Variants in FBXW7 observed in about 807,000 individuals in gnomAD.
FBXW7 encodes the protein F-box/WD repeat-containing protein 7.
A neutral mutation model predicts 86.3 loss-of-function variants in FBXW7; 11 were observed. The observed-to-expected ratio is 0.13, with a 90% CI of 0.08 to 0.21. FBXW7 has a LOEUF of 0.21. FBXW7 is among the 10% of genes least tolerant of loss of function. The pLI is 1.00. For missense variants in FBXW7, 488 were observed against 847.4 expected (o/e 0.58, Z 5.27); for synonymous variants, 313 against 297.9 (o/e 1.05, Z -0.52).
chr4:152,339,439 A>G (rs912880507), intron 6 of FBXW7, among the ~76,000 whole-genome samples: 3 of 152,360 alleles, frequency 2.0e-5, no homozygotes, highest in South Asian at 2.1e-4. Context: ...CCTCTTTGAC[A>G]TAACTGATAG....
chr4:152,337,168 A>G (rs1730218218), intron 7 of FBXW7, among the ~76,000 whole-genome samples: 1 of 151,984 alleles, frequency 6.6e-6, no homozygotes, highest in Non-Finnish European at 1.5e-5. Flanking sequence ...TTACATAAAA[A>G]TATAAAAAGA....
chr4:152,330,183 C>CA (rs886552013), intron 9 of FBXW7, among the ~76,000 whole-genome samples: 7 of 151,398 alleles, frequency 4.6e-5, no homozygotes, highest in African/African-American at 7.3e-5. Flanking sequence ...ATTCTTAAAA[C>CA]AAAAAAAATC....
intron 2 of FBXW7, among the ~76,000 whole-genome samples, chr4:152,505,463 T>C (rs1269318734): frequency 6.6e-6 from 1 of 152,210 alleles, no homozygotes; most frequent in Non-Finnish European, 1.5e-5. Flanking sequence ...AGTAAAGCTA[T>C]ATAAAAATAT....
intron 4 of FBXW7, among the ~76,000 whole-genome samples, chr4:152,380,462 T>C (rs1387175521): frequency 1.3e-5 from 2 of 151,902 alleles, no homozygotes; most frequent in Non-Finnish European, 2.9e-5. Flanking sequence ...TTTTTAAATA[T>C]CTTCTAAAAA....
At chr4:152,431,043 G>A (rs549121873) in intron 2 of FBXW7, among the ~76,000 whole-genome samples, 2 of 152,282 alleles carry the variant, frequency 1.3e-5, no homozygotes, top group South Asian at 4.1e-4. Flanking sequence ...AATTTGAAAA[G>A]GAAAATGGAA....
intron 4 of FBXW7, among the ~76,000 whole-genome samples, chr4:152,356,891 A>C (rs1177219269): frequency 6.6e-6 from 1 of 152,186 alleles, no homozygotes; most frequent in Admixed American, 6.6e-5. Flanking sequence ...TTTGTTTAGC[A>C]CCTACTTTGT....
intron 2 of FBXW7, among the ~76,000 whole-genome samples, chr4:152,531,747 T>C (rs78501798): frequency 0.014 from 2,079 of 152,222 alleles, 26 homozygotes; most frequent in Middle Eastern, 0.037. Flanking sequence ...TAATGCACAG[T>C]GAACTTTAAA....
chr4:152,448,213 CAAGT>C (rs949406987), intron 2 of FBXW7, among the ~76,000 whole-genome samples: 5 of 152,196 alleles, frequency 3.3e-5, no homozygotes, highest in South Asian at 2.1e-4. Context: ...AGCAAGCAAG[CAAGT>C]GGTTGTCAGT....
rs12651630 is a variant in FBXW7 at position 152,525,259 on chromosome 4, T to G, written c.-120+9682A>C. Among the ~76,000 whole-genome samples the G allele has an allele frequency of 6.9e-3, 1,045 of 152,286 alleles. 47 individuals are homozygous for G. Among genetic ancestry groups the G allele is most frequent in the Admixed American group, 0.059 (896 of 15,288 alleles). ...TTACACCAAAATCTAAAGCAAACTT[T>G]CCTTAAAAGGAGAAGTCACAGCTAG... On this transcript the variant is annotated intron_variant, in intron 2 of 13. Coordinates refer to ENST00000281708, the MANE Select transcript of FBXW7 (RefSeq NM_001349798.2).
chr4:152,492,039 T>C (rs747468309), intron 2 of FBXW7, among the ~76,000 whole-genome samples: 23 of 152,204 alleles, frequency 1.5e-4, no homozygotes, highest in Non-Finnish European at 2.6e-4. Context: ...ACCCTCCCAG[T>C]TGAATATCAC....
At chr4:152,441,441 T>G (rs1740885414) in intron 2 of FBXW7, among the ~76,000 whole-genome samples, 1 of 152,208 alleles carries the variant, frequency 6.6e-6, no homozygotes. Flanking sequence ...TATATGACAC[T>G]GATTCTTTAA....
At chr4:152,520,432 T>C (rs1383147334) in intron 2 of FBXW7, among the ~76,000 whole-genome samples, 1 of 128,018 alleles carries the variant, frequency 7.8e-6, no homozygotes. Flanking sequence ...AGAGCGAGAC[T>C]CCGTCTCAAA....
rs1049775568 is a variant in FBXW7 at position 152,535,929 on chromosome 4, A to T, written c.-1015T>A. On this transcript the variant is annotated 5_prime_UTR_variant, in exon 1 of 14. Transcript: ENST00000281708. ...CGCGGCTCCCGCTGGCCCAGGTGAGAGCGAAGGTCTCGGCGGCGGCCAGTG... is the reference window on the plus strand; with the variant it reads ...CGCGGCTCCCGCTGGCCCAGGTGAGTGCGAAGGTCTCGGCGGCGGCCAGTG... 1.4e-4 allele frequency: 47 copies of T among 328,020 alleles called. No individual in the cohort carries two copies. The East Asian group carries it at 2.1e-3, about 15-fold the overall frequency. 20.3% of individuals were successfully genotyped at this position (328,020 alleles called of 1,614,324 possible).
At chr4:152,481,739 GT>G (rs1560951787) in intron 2 of FBXW7, among the ~76,000 whole-genome samples, 1 of 152,204 alleles carries the variant, frequency 6.6e-6, no homozygotes, top group East Asian at 1.9e-4. Flanking sequence ...CACTGCAGAT[GT>G]GATAGAAATA....
At chr4:152,395,642 A>G (rs1274498626) in intron 4 of FBXW7, among the ~76,000 whole-genome samples, 1 of 152,042 alleles carries the variant, frequency 6.6e-6, no homozygotes, top group African/African-American at 2.4e-5. Context: ...AAAGCACTTA[A>G]AGTGCTATGC....
chr4:152,355,307 T>A (rs565344667), intron 4 of FBXW7, among the ~76,000 whole-genome samples: 20 of 152,262 alleles, frequency 1.3e-4, no homozygotes, highest in African/African-American at 4.6e-4. Context: ...TTTGTGTCTG[T>A]ATTTATCTAT....
At chr4:152,479,960 C>T (rs1246119426) in intron 2 of FBXW7, among the ~76,000 whole-genome samples, 1 of 152,174 alleles carries the variant, frequency 6.6e-6, no homozygotes, top group Non-Finnish European at 1.5e-5. Context: ...TCTAACACTG[C>T]TACTACAATT....
In FBXW7 at chr4:152,507,421, A is replaced by G. The variant is rs376736583; in HGVS notation, c.-120+27520T>C. ...AAAAAATTCAATTGTGTTCCCATGA[A>G]ATAACATATTTGACACAATGTAACT... On this transcript the variant is annotated intron_variant, in intron 2 of 13. Transcript: ENST00000281708. 2.0e-5 allele frequency among the ~76,000 whole-genome samples: 3 copies of G among 152,242 alleles called. No homozygotes were observed. In the South Asian group the frequency reaches 6.2e-4, roughly 32 times the overall value.
At chr4:152,392,514 C>T (rs1396852750) in intron 4 of FBXW7, among the ~76,000 whole-genome samples, 3 of 152,082 alleles carry the variant, frequency 2.0e-5, no homozygotes, top group Admixed American at 6.6e-5. Flanking sequence ...GTTCTAGACC[C>T]CCACTTTTGC....
Sources: allele counts gnomAD v4.1 joint callset (sites outside exome capture counted in the v4.1 genomes callset), GRCh38; gene constraint gnomAD v4.1.1; transcripts MANE v1.5; gene names NCBI Gene and HGNC (gene_info 2026-07-23, HGNC 2026-07-21).